Variants in BABAM2 observed in about 807,000 individuals in gnomAD.
The protein encoded by BABAM2 is BRISC and BRCA1 A complex member 2, also known as BRISC and BRCA1-A complex member 2.
BABAM2 carries 31 observed loss-of-function variants against 54.7 expected under a neutral mutation model. The observed-to-expected ratio is 0.57, with a 90% confidence interval of 0.43 to 0.77. BABAM2 has a LOEUF of 0.77. Among genes scored for constraint, BABAM2 ranks in the 30% least tolerant of loss-of-function variants. The pLI, the probability that BABAM2 is intolerant of heterozygous loss-of-function variation, is 0.00. For missense variants in BABAM2, 364 were observed against 455.8 expected (o/e 0.80, Z 1.83); for synonymous variants, 167 against 162.9 (o/e 1.03, Z -0.19).
rs80041521 is a variant in BABAM2, at chr2:28,061,158, T to C, written c.570+15359T>C. Among the ~76,000 whole-genome samples, 490 of 151,998 alleles carry C rather than the reference T, an allele frequency of 3.2e-3. 16 individuals carry two copies. In the East Asian group the frequency reaches 0.074, roughly 23 times the overall value. On this transcript the variant is annotated intron_variant, in intron 6 of 11. Transcript: ENST00000379624. Reference sequence around the variant, plus strand: ...ACCAGTATAGATCATTGGAACAGAATAGAATATTCAGAAATAGATCCACAC... The same window carrying C: ...ACCAGTATAGATCATTGGAACAGAACAGAATATTCAGAAATAGATCCACAC...
chr2:28,199,508 AATTTTTTGAATGATTATT>A (rs1409894132), intron 7 of BABAM2, among the ~76,000 whole-genome samples: 1 of 152,154 alleles, frequency 6.6e-6, no homozygotes, highest in Non-Finnish European at 1.5e-5. Context: ...TAAGCACTCA[AATTTTTTGAATGATTATT>A]ATTTTGTTTA....
intron 10 of BABAM2, among the ~76,000 whole-genome samples, chr2:28,261,415 C>T (rs903031773): frequency 6.6e-6 from 1 of 151,672 alleles, no homozygotes; most frequent in Non-Finnish European, 1.5e-5. Context: ...CTGCAAGCTC[C>T]ACCTCCCGGG....
chr2:27,919,880 T>C (rs528766879), intron 2 of BABAM2, among the ~76,000 whole-genome samples: 13 of 152,332 alleles, frequency 8.5e-5, no homozygotes, highest in African/African-American at 3.1e-4. Context: ...AATGGAGATA[T>C]GGCATAGAAG....
intron 3 of BABAM2, among the ~76,000 whole-genome samples, chr2:27,987,734 G>C (rs1672503519): frequency 6.6e-6 from 1 of 151,064 alleles, no homozygotes; most frequent in Non-Finnish European, 1.5e-5. Flanking sequence ...AGAATTGCTT[G>C]AGCCTGGGAG....
chr2:28,192,269 C>T (rs567363186), intron 7 of BABAM2, among the ~76,000 whole-genome samples: 9 of 152,168 alleles, frequency 5.9e-5, no homozygotes, highest in South Asian at 4.1e-4. Context: ...CTCCTGACCT[C>T]GTGATCTGCC....
intron 4 of BABAM2, among the ~76,000 whole-genome samples, chr2:28,010,776 A>G (rs1329411387): frequency 6.6e-5 from 10 of 151,956 alleles, no homozygotes; most frequent in Admixed American, 6.6e-4. Flanking sequence ...GTTTCTTCCC[A>G]TTTCTTTTCT....
chr2:28,209,719 T>G (rs1175222038), intron 7 of BABAM2, among the ~76,000 whole-genome samples: 1 of 152,180 alleles, frequency 6.6e-6, no homozygotes, highest in Non-Finnish European at 1.5e-5. Flanking sequence ...TGTTTTTTCT[T>G]AGATATTTGG....
rs148034703 is a variant in BABAM2 at position 28,006,181 on chromosome 2, T to G, written c.300+18094T>G. Among the ~76,000 whole-genome samples the G allele has an allele frequency of 4.9e-4, 74 of 152,204 alleles. 1 individual carries two copies. Among genetic ancestry groups the G allele is most frequent in the African/African-American group, 1.7e-3 (69 of 41,572 alleles). On this transcript the variant is annotated intron_variant, in intron 4 of 11. Coordinates refer to ENST00000379624, the MANE Select transcript of BABAM2 (RefSeq NM_199191.3). ...ATTACCACAGACTAGATTTTGCTGA[T>G]TGTATCTCTGTGGTATAGTTTAACA...
chr2:27,951,720 C>T (rs1006298756), intron 3 of BABAM2, among the ~76,000 whole-genome samples: 8 of 151,538 alleles, frequency 5.3e-5, no homozygotes, highest in African/African-American at 1.5e-4. Context: ...TTTATTTTTC[C>T]GTAGGTTATT....
At chr2:28,248,633 G>A (rs1683131517) in intron 10 of BABAM2, among the ~76,000 whole-genome samples, 1 of 152,154 alleles carries the variant, frequency 6.6e-6, no homozygotes, top group South Asian at 2.1e-4. Context: ...CAACTGCACT[G>A]TAAGTAGACA....
At chr2:28,071,275 C>T (rs1664117035) in intron 6 of BABAM2, among the ~76,000 whole-genome samples, 1 of 152,094 alleles carries the variant, frequency 6.6e-6, no homozygotes, top group African/African-American at 2.4e-5. Flanking sequence ...CTCCTCTATT[C>T]CTTTCTTTTT....
chr2:28,123,419 A>C (rs2148755127), intron 6 of BABAM2, among the ~76,000 whole-genome samples: 1 of 152,284 alleles, frequency 6.6e-6, no homozygotes, highest in Middle Eastern at 3.4e-3. Context: ...CTCCCATTTT[A>C]GCCTTTTGCA....
At chr2:27,911,745 T>C (rs1666618246) in intron 2 of BABAM2, among the ~76,000 whole-genome samples, 1 of 152,138 alleles carries the variant, frequency 6.6e-6, no homozygotes, top group African/African-American at 2.4e-5. Flanking sequence ...CCATCTCTTT[T>C]CCTAACCAGT....
chr2:27,902,979 A>C (rs1665915494), intron 2 of BABAM2, among the ~76,000 whole-genome samples: 1 of 151,910 alleles, frequency 6.6e-6, no homozygotes, highest in Non-Finnish European at 1.5e-5. Context: ...GCCTATCCAA[A>C]AGTCACACAT....
chr2:28,186,867 A>G (rs1676353218), intron 7 of BABAM2, among the ~76,000 whole-genome samples: 1 of 150,338 alleles, frequency 6.7e-6, no homozygotes, highest in African/African-American at 2.5e-5. Context: ...GTGCAGTGGC[A>G]TGATCTCGGC....
At chr2:28,302,681 G>A (rs996903398) in intron 11 of BABAM2, among the ~76,000 whole-genome samples, 5 of 152,058 alleles carry the variant, frequency 3.3e-5, no homozygotes, top group Admixed American at 6.6e-5. Context: ...AAGTGGTATC[G>A]GTTTACCCTC....
At chr2:28,101,156 T>G (rs563866441) in intron 6 of BABAM2, among the ~76,000 whole-genome samples, 2 of 152,294 alleles carry the variant, frequency 1.3e-5, no homozygotes, top group South Asian at 4.1e-4. Flanking sequence ...AGGTTTTAAA[T>G]AACTTATCCA....
At chr2:28,063,241 C>T (rs533211851) in intron 6 of BABAM2, among the ~76,000 whole-genome samples, 72 of 152,280 alleles carry the variant, frequency 4.7e-4, no homozygotes, top group Non-Finnish European at 4.9e-4. Context: ...AGCTGTGTTT[C>T]TCATCACGTG....
At chr2:28,300,096 G>A (rs1156760375) in intron 11 of BABAM2, among the ~76,000 whole-genome samples, 3 of 152,046 alleles carry the variant, frequency 2.0e-5, no homozygotes, top group Non-Finnish European at 2.9e-5. Flanking sequence ...GTGCCACCAC[G>A]CCGGACTAAT....
Sources: allele counts gnomAD v4.1 joint callset (sites outside exome capture counted in the v4.1 genomes callset), GRCh38; gene constraint gnomAD v4.1.1; transcripts MANE v1.5; gene names NCBI Gene and HGNC (gene_info 2026-07-23, HGNC 2026-07-21).